The following SAMD5 variants were observed in gnomAD, a reference collection of about 807,000 sequenced individuals.
The protein encoded by SAMD5 is sterile alpha motif domain-containing protein 5.
A neutral mutation model predicts 11.3 loss-of-function variants in SAMD5; 13 were observed. The ratio of observed to expected loss-of-function variants is 1.15; its 90% confidence interval spans 0.75 to 1.83. The LOEUF is 1.83. Among genes scored for constraint, SAMD5 ranks in the 40% most tolerant of loss-of-function variants. The probability of loss-of-function intolerance (pLI) is 0.00; values close to 1 mark genes in which losing one functional copy is unlikely to be tolerated. For synonymous variants in SAMD5, 129 were observed against 111.3 expected (o/e 1.16, Z -1.00); for missense variants, 255 against 239.1 (o/e 1.07, Z -0.44).
downstream of SAMD5, chr6:147,741,324 G>A (rs1333066881): frequency 1.3e-5 from 2 of 151,988 alleles, no homozygotes; most frequent in African/African-American, 2.4e-5. Flanking sequence ...CCCCCTCCCA[G>A]GATTCTTTGT....
At chr6:147,700,627 T>C (rs1422655016) in intron 1 of SAMD5, among the ~76,000 whole-genome samples, 1 of 152,266 alleles carries the variant, frequency 6.6e-6, no homozygotes, top group Non-Finnish European at 1.5e-5. Context: ...CATCTGGCCC[T>C]GAATGATCAT....
At chr6:147,727,786 A>AAAAGC (rs1791649833) in intron 1 of SAMD5, among the ~76,000 whole-genome samples, 2 of 152,154 alleles carry the variant, frequency 1.3e-5, no homozygotes, top group Admixed American at 6.6e-5. Context: ...TTGGGTGCCT[A>AAAAGC]AAAGCATCAG....
the SAMD5 span, among the ~76,000 whole-genome samples, chr6:147,832,373 C>T: frequency 6.6e-6 from 1 of 152,018 alleles, no homozygotes; most frequent in African/African-American, 2.4e-5. Context: ...AAAATAAAAA[C>T]GATGTGAATT....
chr6:147,905,380 C>T, the SAMD5 span, among the ~76,000 whole-genome samples: 1 of 152,104 alleles, frequency 6.6e-6, no homozygotes, highest in Admixed American at 6.6e-5. Flanking sequence ...CAGGATTTGC[C>T]ATGTTGGTCA....
the SAMD5 span, among the ~76,000 whole-genome samples, chr6:147,825,303 C>A: frequency 6.6e-6 from 1 of 151,556 alleles, no homozygotes; most frequent in Non-Finnish European, 1.5e-5. Flanking sequence ...TCTCAAAAAA[C>A]AAAAACAAAA....
chr6:147,532,421 C>G (rs1016563488), intron 1 of SAMD5, among the ~76,000 whole-genome samples: 1 of 152,166 alleles, frequency 6.6e-6, no homozygotes. Flanking sequence ...AGTTACTTCA[C>G]TTGGAATAAT....
intron 1 of SAMD5, among the ~76,000 whole-genome samples, chr6:147,553,353 A>G (rs1050370250): frequency 1.3e-5 from 2 of 152,176 alleles, no homozygotes; most frequent in African/African-American, 4.8e-5. Context: ...CTGTCCTGGC[A>G]GGAAGGGATA....
At chr6:147,777,683 C>T in the SAMD5 span, among the ~76,000 whole-genome samples, 1 of 152,252 alleles carries the variant, frequency 6.6e-6, no homozygotes, top group South Asian at 2.1e-4. Flanking sequence ...TTTCCCATTC[C>T]TCCTTCTTCC....
At chr6:147,509,413 C>CGG in intron 1 of SAMD5, 26 bp downstream of exon 1, 11 of 1,495,126 alleles carry the variant, frequency 7.4e-6, no homozygotes, top group Non-Finnish European at 9.8e-6. Flanking sequence ...CCGGGCGGCC[C>CGG]GGGGCGCGCG....
chr6:147,853,192 A>C, the SAMD5 span, among the ~76,000 whole-genome samples: 4 of 152,146 alleles, frequency 2.6e-5, no homozygotes, highest in Non-Finnish European at 5.9e-5. Flanking sequence ...CCCTGGTGCC[A>C]TACATTTCTC....
the SAMD5 span, among the ~76,000 whole-genome samples, chr6:147,901,812 A>G: frequency 3.3e-5 from 5 of 152,162 alleles, no homozygotes; most frequent in African/African-American, 1.2e-4. Flanking sequence ...GCAACCCTTC[A>G]TACCCATGTC....
the SAMD5 span, among the ~76,000 whole-genome samples, chr6:147,781,772 G>GCGCACACA: frequency 6.8e-6 from 1 of 146,354 alleles, no homozygotes; most frequent in African/African-American, 2.5e-5. Context: ...ATTTGTGTGC[G>GCGCACACA]CACACACACA....
At chr6:147,827,732 A>G in the SAMD5 span, among the ~76,000 whole-genome samples, 1 of 152,192 alleles carries the variant, frequency 6.6e-6, no homozygotes, top group Non-Finnish European at 1.5e-5. Flanking sequence ...CTTCCCGAAT[A>G]TAGGAAGTTT....
chr6:147,839,755 A>G, the SAMD5 span, among the ~76,000 whole-genome samples: 22 of 152,236 alleles, frequency 1.4e-4, no homozygotes, highest in Non-Finnish European at 2.1e-4. Context: ...CATCTCAAAG[A>G]AAAACAAAAG....
chr6:147,892,436 T>C, the SAMD5 span, among the ~76,000 whole-genome samples: 1 of 152,264 alleles, frequency 6.6e-6, no homozygotes, highest in African/African-American at 2.4e-5. Context: ...TTTTGGTTTA[T>C]AAACCAATCC....
chr6:147,905,194 T>A, the SAMD5 span, among the ~76,000 whole-genome samples: 1 of 151,880 alleles, frequency 6.6e-6, no homozygotes, highest in African/African-American at 2.4e-5. Context: ...GGCCTTTTTT[T>A]TTCTTTTGAG....
intron 1 of SAMD5, among the ~76,000 whole-genome samples, chr6:147,715,984 T>C (rs1791460980): frequency 6.6e-6 from 1 of 152,096 alleles, no homozygotes; most frequent in African/African-American, 2.4e-5. Flanking sequence ...AAAAGCACCA[T>C]AAGTTCCCAC....
At chr6:147,888,484 G>C in the SAMD5 span, among the ~76,000 whole-genome samples, 2 of 152,180 alleles carry the variant, frequency 1.3e-5, no homozygotes, top group Non-Finnish European at 1.5e-5. Flanking sequence ...TTTTCATGTT[G>C]TTGGGGCATT....
At chr6:147,928,056 G>T in the SAMD5 span, among the ~76,000 whole-genome samples, 80 of 152,248 alleles carry the variant, frequency 5.3e-4, no homozygotes, top group Non-Finnish European at 9.3e-4. Flanking sequence ...TGTGCTGCTG[G>T]ATTCAATTTA....
Sources: gnomAD v4.1 joint callset for allele counts (sites outside exome capture counted in the v4.1 genomes callset) on GRCh38, gnomAD v4.1.1 for gene constraint, MANE v1.5 for transcripts, NCBI Gene and HGNC (gene_info 2026-07-23, HGNC 2026-07-21) for gene names.